Variants in CRACR2A observed in about 807,000 individuals in gnomAD.
The protein encoded by CRACR2A is EF-hand calcium-binding domain-containing protein 4B.
CRACR2A carries 79 observed loss-of-function variants against 90.5 expected under a neutral mutation model. The observed-to-expected ratio is 0.87, with a 90% CI of 0.73 to 1.05. The LOEUF is 1.05. CRACR2A is among the 50% of genes least tolerant of loss of function. CRACR2A has a pLI of 0.00. For synonymous variants in CRACR2A, 338 were observed against 356.7 expected, an observed-to-expected ratio of 0.95 and a Z score of 0.59; for missense variants, 823 against 897.2, an observed-to-expected ratio of 0.92 and a Z score of 1.06.
intron 2 of CRACR2A, among the ~76,000 whole-genome samples, chr12:3,721,614 G>A (rs1372785871): frequency 6.8e-6 from 1 of 148,088 alleles, no homozygotes; most frequent in South Asian, 2.1e-4. Context: ...TGAGTGAAAC[G>A]TTATTCTTCT....
chr12:3,681,805 T>C (rs1945459300), intron 4 of CRACR2A, among the ~76,000 whole-genome samples: 1 of 152,234 alleles, frequency 6.6e-6, no homozygotes, highest in Non-Finnish European at 1.5e-5. Flanking sequence ...TTCTAGCTGA[T>C]AAGCCATAAA....
chr12:3,721,309 G>A (rs1418340325), intron 2 of CRACR2A, among the ~76,000 whole-genome samples: 1 of 151,324 alleles, frequency 6.6e-6, no homozygotes, highest in African/African-American at 2.4e-5. Context: ...TGAGGCAAGA[G>A]GGTCGCTTGA....
chr12:3,742,403 C>A (rs1383467285), intron 1 of CRACR2A, among the ~76,000 whole-genome samples: 1 of 152,196 alleles, frequency 6.6e-6, no homozygotes, highest in Non-Finnish European at 1.5e-5. Context: ...ATCATACATG[C>A]CCAAATCTGT....
intron 17 of CRACR2A, 119 bp downstream of exon 17, chr12:3,627,317 G>A: frequency 2.7e-6 from 2 of 746,300 alleles, no homozygotes; most frequent in Admixed American, 2.7e-5. Context: ...GTTTGTTCCT[G>A]GAAAAGGCAA....
intron 1 of CRACR2A, among the ~76,000 whole-genome samples, chr12:3,740,817 G>A (rs939168352): frequency 6.6e-6 from 1 of 152,330 alleles, no homozygotes. Flanking sequence ...CGAGCAAGTT[G>A]CTTAGCTACT....
intron 4 of CRACR2A, among the ~76,000 whole-genome samples, chr12:3,683,773 T>C (rs945271035): frequency 1.3e-5 from 2 of 152,136 alleles, no homozygotes; most frequent in African/African-American, 4.8e-5. Flanking sequence ...CTGACAAACA[T>C]GGACTATTTA....
At chr12:3,689,225 G>A (rs1945613632) in intron 4 of CRACR2A, among the ~76,000 whole-genome samples, 1 of 152,074 alleles carries the variant, frequency 6.6e-6, no homozygotes, top group South Asian at 2.1e-4. Flanking sequence ...ACTTCCTATA[G>A]TATGTTGAAT....
intron 6 of CRACR2A, among the ~76,000 whole-genome samples, chr12:3,674,537 A>G (rs1945307202): frequency 6.6e-6 from 1 of 152,208 alleles, no homozygotes; most frequent in South Asian, 2.1e-4. Context: ...TTAATTCAAT[A>G]AAAGTTAATA....
chr12:3,680,277 T>C lies in CRACR2A; in HGVS notation c.301A>G (p.Asn101Asp), dbSNP rs1327909283. ...AACTCCTGTGGGGTCAGATAGCCAT[T>C]GCCATCAGCATCCAGGGCATCAAAC... ...DVFDALDADG[N>D]GYLTPQEFTT... Residue 101 changes from asparagine to aspartate, a missense_variant, in exon 5 of 20, where the codon AAT becomes GAT. Transcript: ENST00000440314. 6.2e-7 allele frequency: 1 copy of C among 1,614,078 alleles called. No individual in the cohort carries two copies. Among genetic ancestry groups the C allele is most frequent in the Non-Finnish European group, 8.5e-7 (1 of 1,180,036 alleles).
chr12:3,734,063 C>T (rs954879393), intron 1 of CRACR2A, among the ~76,000 whole-genome samples: 15 of 147,426 alleles, frequency 1.0e-4, no homozygotes, highest in African/African-American at 1.5e-4. Context: ...CTCTGCCTCT[C>T]GGGTTCACGC....
chr12:3,619,243 C>T (rs1867759197), intron 18 of CRACR2A, 28 bp downstream of exon 18: 7 of 1,538,298 alleles, frequency 4.6e-6, no homozygotes, highest in African/African-American at 1.4e-5. Flanking sequence ...ACACTCTGTC[C>T]AGAGAGATGG....
At chr12:3,645,766 T>G (rs550798087) in intron 11 of CRACR2A, among the ~76,000 whole-genome samples, 1 of 152,274 alleles carries the variant, frequency 6.6e-6, no homozygotes, top group Admixed American at 6.5e-5. Flanking sequence ...TGTGAACAAC[T>G]CTTCTGAAAG....
intron 17 of CRACR2A, among the ~76,000 whole-genome samples, chr12:3,625,616 C>T (rs952233033): frequency 6.8e-6 from 1 of 146,840 alleles, no homozygotes; most frequent in Non-Finnish European, 1.5e-5. Flanking sequence ...GATGGCCATA[C>T]TAGATGGGAG....
At chr12:3,687,956 T>A (rs1302233813) in intron 4 of CRACR2A, among the ~76,000 whole-genome samples, 1 of 152,260 alleles carries the variant, frequency 6.6e-6, no homozygotes, top group Non-Finnish European at 1.5e-5. Flanking sequence ...TGACCTTTTT[T>A]TCATATGCTT....
intron 3 of CRACR2A, among the ~76,000 whole-genome samples, chr12:3,703,377 A>G (rs1945864379): frequency 6.6e-6 from 1 of 152,198 alleles, no homozygotes; most frequent in East Asian, 1.9e-4. Context: ...GAGCCACCGC[A>G]CCCAGCTGCA....
At chr12:3,643,797 A>T (rs11062750) in intron 12 of CRACR2A, among the ~76,000 whole-genome samples, 1 of 106,630 alleles carries the variant, frequency 9.4e-6, no homozygotes, top group African/African-American at 3.8e-5. Flanking sequence ...ATATTTATAT[A>T]ATATATATTA....
At chr12:3,641,882 C>T (rs547803709) in intron 12 of CRACR2A, 44 bp from the exon 13 acceptor site, 31 of 1,517,742 alleles carry the variant, frequency 2.0e-5, no homozygotes, top group African/African-American at 9.7e-5. Context: ...CTATTTGCTC[C>T]GATGTTTGAA....
At chr12:3,699,430 C>T (rs1329047390) in intron 3 of CRACR2A, among the ~76,000 whole-genome samples, 3 of 152,050 alleles carry the variant, frequency 2.0e-5, no homozygotes, top group Non-Finnish European at 2.9e-5. Context: ...CTCTGAGAGT[C>T]CCTAATGGTG....
At chr12:3,679,530 C>T (rs1405313222) in intron 5 of CRACR2A, among the ~76,000 whole-genome samples, 1 of 152,206 alleles carries the variant, frequency 6.6e-6, no homozygotes, top group African/African-American at 2.4e-5. Flanking sequence ...AGCTCCTTAA[C>T]AGTTTCCAGT....
Sources: allele counts gnomAD v4.1 joint callset (sites outside exome capture counted in the v4.1 genomes callset), GRCh38; gene constraint gnomAD v4.1.1; transcripts MANE v1.5; gene names NCBI Gene and HGNC (gene_info 2026-07-23, HGNC 2026-07-21).